KAZN: variants seen among roughly 807,000 people sequenced by gnomAD.
KAZN encodes the protein kazrin, periplakin interacting protein.
KAZN carries 40 observed loss-of-function variants against 87.4 expected under a neutral mutation model. That is an observed-to-expected ratio of 0.46 (90% CI 0.36 to 0.60). The LOEUF is 0.60. KAZN is among the 20% of genes least tolerant of loss of function. The pLI is 0.00. For synonymous variants in KAZN, 466 were observed against 458.3 expected, an observed-to-expected ratio of 1.02 and a Z score of -0.22; for missense variants, 898 against 1,073.9, an observed-to-expected ratio of 0.84 and a Z score of 2.29.
chr1:14,613,650 CTAAT>C (rs1677988999), intron 1 of KAZN, among the ~76,000 whole-genome samples: 1 of 152,220 alleles, frequency 6.6e-6, no homozygotes, highest in African/African-American at 2.4e-5. Flanking sequence ...TATTTGAAAA[CTAAT>C]GGTACATACA....
chr1:14,334,946 C>G (rs1038047340), intron 2 of KAZN, among the ~76,000 whole-genome samples: 14 of 151,966 alleles, frequency 9.2e-5, no homozygotes, highest in African/African-American at 3.4e-4. Flanking sequence ...GACACAGAGA[C>G]AGAGAGTGAG....
chr1:14,262,198 G>A (rs188368808), intron 2 of KAZN, among the ~76,000 whole-genome samples: 43 of 152,276 alleles, frequency 2.8e-4, no homozygotes, highest in Middle Eastern at 6.8e-3. Flanking sequence ...AGGATTGCTT[G>A]AGCCCAGGAG....
intron 1 of KAZN, among the ~76,000 whole-genome samples, chr1:14,657,913 C>T (rs1224612564): frequency 6.6e-6 from 1 of 152,078 alleles, no homozygotes; most frequent in Non-Finnish European, 1.5e-5. Context: ...TTTTAGTTAG[C>T]CCAAGACAAA....
chr1:14,224,350 A>G lies in KAZN; in HGVS notation c.249+43758A>G, dbSNP rs1240013831. Among the ~76,000 whole-genome samples the G allele has an allele frequency of 2.0e-5, 3 of 152,314 alleles. No individual in the cohort carries two copies. In the East Asian group the frequency reaches 5.8e-4, roughly 29 times the overall value. On this transcript the variant is annotated intron_variant, in intron 2 of 16. Coordinates refer to the KAZN transcript ENST00000636203. The stretch of plus-strand genomic sequence containing the variant: ...ACAACCAAAGAGAAATATTCTTTGG[A>G]TTTTAAAGGTTGTACCGAAGCTGAC...
chr1:15,056,390 G>A lies in KAZN; in HGVS notation c.916+110G>A. ...TTGTTCGTACTACAGCAGCTTGGGG[G>A]CGTGGGACAGAGACCTTGGGCTCAT... On this transcript the variant is annotated intron_variant, in intron 5 of 14. Coordinates refer to ENST00000376030, the MANE Select transcript of KAZN (RefSeq NM_201628.3). This position sits in a 1 kb window ranked among gnomAD's most constrained non-coding sequence, Gnocchi z 5.4. 1 of 1,131,364 alleles carries A rather than the reference G, an allele frequency of 8.8e-7. No individual in the cohort carries two copies. Among genetic ancestry groups the A allele is most frequent in the Non-Finnish European group, 1.2e-6 (1 of 813,402 alleles). 70.1% of individuals were successfully genotyped at this position (1,131,364 alleles called of 1,614,324 possible).
At chr1:14,976,929 C>T (rs1331852474) in intron 2 of KAZN, among the ~76,000 whole-genome samples, 1 of 152,146 alleles carries the variant, frequency 6.6e-6, no homozygotes, top group African/African-American at 2.4e-5. Flanking sequence ...GTGGTGGGCG[C>T]CTGTAATCCC....
intron 2 of KAZN, among the ~76,000 whole-genome samples, chr1:14,420,716 C>T (rs1208272953): frequency 6.6e-6 from 1 of 152,178 alleles, no homozygotes; most frequent in Admixed American, 6.5e-5. Flanking sequence ...GCTGGGGGAC[C>T]TGGCGCACCC....
chr1:13,938,935 C>T (rs1222008902), intron 1 of KAZN, among the ~76,000 whole-genome samples: 1 of 152,198 alleles, frequency 6.6e-6, no homozygotes, highest in Non-Finnish European at 1.5e-5. Context: ...TGGGGAGTAT[C>T]CTCTTGGAGT....
At chr1:14,325,414 A>G (rs529073242) in intron 2 of KAZN, among the ~76,000 whole-genome samples, 2 of 152,326 alleles carry the variant, frequency 1.3e-5, no homozygotes, top group South Asian at 2.1e-4. Flanking sequence ...CTGAGAAAAT[A>G]CCAAAGATCA....
At chr1:14,960,628 T>G (rs1663724142) in intron 1 of KAZN, 56 bp from the exon 2 acceptor site, 8 of 1,519,626 alleles carry the variant, frequency 5.3e-6, no homozygotes, top group Non-Finnish European at 5.3e-6. Context: ...CCCCAGAAAA[T>G]GCGAGTGAGC....
chr1:14,942,765 C>T (rs1557644476), intron 1 of KAZN, among the ~76,000 whole-genome samples: 1 of 152,164 alleles, frequency 6.6e-6, no homozygotes, highest in Non-Finnish European at 1.5e-5. Context: ...CAGGTCAGGG[C>T]TGCACCAGAT....
chr1:13,911,910 G>T (rs140001861), intron 1 of KAZN, among the ~76,000 whole-genome samples: 1 of 152,094 alleles, frequency 6.6e-6, no homozygotes, highest in Non-Finnish European at 1.5e-5. Context: ...ATGTGGGTTT[G>T]GTGTCAGATT....
At chr1:14,230,053 T>C (rs145389526) in intron 2 of KAZN, among the ~76,000 whole-genome samples, 3 of 152,378 alleles carry the variant, frequency 2.0e-5, no homozygotes, top group African/African-American at 4.8e-5. Flanking sequence ...ACTAACGTCA[T>C]GTGGGTATTG....
chr1:14,046,922 G>A (rs540972631), intron 1 of KAZN, among the ~76,000 whole-genome samples: 1 of 152,320 alleles, frequency 6.6e-6, no homozygotes, highest in South Asian at 2.1e-4. Flanking sequence ...CAATCGGAAG[G>A]CAATCCTGTA....
intron 2 of KAZN, among the ~76,000 whole-genome samples, chr1:14,461,624 A>G (rs1667855461): frequency 6.6e-6 from 1 of 152,190 alleles, no homozygotes; most frequent in African/African-American, 2.4e-5. Context: ...TTTAAGTGCA[A>G]TTAGTTTATT....
At chr1:14,786,188 T>A (rs1393504111) in intron 1 of KAZN, among the ~76,000 whole-genome samples, 1 of 152,232 alleles carries the variant, frequency 6.6e-6, no homozygotes, top group African/African-American at 2.4e-5. Flanking sequence ...CAACTCCATC[T>A]AAAAACAGTC....
intron 1 of KAZN, among the ~76,000 whole-genome samples, chr1:14,756,110 C>T (rs994810003): frequency 6.6e-6 from 1 of 152,146 alleles, no homozygotes; most frequent in African/African-American, 2.4e-5. Context: ...ATAACAAGCC[C>T]ATCACAAGCC....
chr1:14,271,355 G>A (rs1651911621), intron 2 of KAZN, among the ~76,000 whole-genome samples: 2 of 152,176 alleles, frequency 1.3e-5, no homozygotes, highest in African/African-American at 2.4e-5. Flanking sequence ...CATATCAGTC[G>A]CTTATACACT....
At chr1:14,797,217 C>A (rs1214281300) in intron 1 of KAZN, among the ~76,000 whole-genome samples, 1 of 151,968 alleles carries the variant, frequency 6.6e-6, no homozygotes, top group African/African-American at 2.4e-5. Context: ...TGCACCACCA[C>A]CCCTGGCTAA....
Sources: gnomAD v4.1 joint callset for allele counts (sites outside exome capture counted in the v4.1 genomes callset) on GRCh38, gnomAD v4.1.1 for gene constraint, Gnocchi (gnomAD v3.1) non-coding constraint, MANE v1.5 for transcripts, NCBI Gene and HGNC (gene_info 2026-07-23, HGNC 2026-07-21) for gene names.